CCAR1: variants seen among roughly 807,000 people sequenced by gnomAD.
CCAR1 encodes the protein cell division cycle and apoptosis regulator protein 1.
In CCAR1, 78 loss-of-function variants were observed where a neutral mutation model predicts 163.8. The ratio of observed to expected loss-of-function variants is 0.48; its 90% CI spans 0.40 to 0.57. The LOEUF (loss-of-function observed/expected upper bound fraction) is 0.57, where lower values mean the gene tolerates loss of function less well. Ranked by LOEUF, CCAR1 falls within the 20% of genes least tolerant of loss-of-function variation. CCAR1 has a pLI of 0.00. For synonymous variants in CCAR1, 443 were observed against 460.7 expected, an observed-to-expected ratio of 0.96 and a Z score of 0.49; for missense variants, 1,019 against 1,365.2, an observed-to-expected ratio of 0.75 and a Z score of 4.00.
chr10:68,750,453 A>G (rs1564537748), intron 10 of CCAR1, among the ~76,000 whole-genome samples: 1 of 152,022 alleles, frequency 6.6e-6, no homozygotes, highest in East Asian at 1.9e-4. Flanking sequence ...TCGAACTCCT[A>G]ACCTCAAGTG....
At chr10:68,768,271 A>G (rs558722202) in intron 17 of CCAR1, among the ~76,000 whole-genome samples, 1 of 152,208 alleles carries the variant, frequency 6.6e-6, no homozygotes, top group African/African-American at 2.4e-5. Context: ...CAATAAGCAG[A>G]TGTCCTTAAA....
At chr10:68,781,194 C>G (rs1256266916) in intron 19 of CCAR1, among the ~76,000 whole-genome samples, 1 of 151,330 alleles carries the variant, frequency 6.6e-6, no homozygotes, top group Non-Finnish European at 1.5e-5. Flanking sequence ...GATCACGCCA[C>G]TGCACTCCAG....
chr10:68,755,165 A>C, intron 12 of CCAR1: 1 of 740,734 alleles, frequency 1.4e-6, no homozygotes, highest in Non-Finnish European at 2.5e-6. Flanking sequence ...AAATATTTTA[A>C]AAGGATGAGT....
intron 2 of CCAR1, among the ~76,000 whole-genome samples, chr10:68,735,361 C>T (rs550208433): frequency 7.6e-5 from 10 of 131,362 alleles, no homozygotes; most frequent in African/African-American, 2.6e-4. Context: ...AAACACAAAC[C>T]GTTTTTGTGC....
intron 2 of CCAR1, among the ~76,000 whole-genome samples, chr10:68,724,478 G>A (rs1008657207): frequency 2.0e-5 from 3 of 152,086 alleles, no homozygotes; most frequent in South Asian, 2.1e-4. Flanking sequence ...AAATTGAGTC[G>A]GAGGTCTCAC....
chr10:68,725,288 A>C (rs1283696946), intron 2 of CCAR1, among the ~76,000 whole-genome samples: 1 of 152,050 alleles, frequency 6.6e-6, no homozygotes, highest in East Asian at 1.9e-4. Context: ...ACACAGTGAA[A>C]CCTCCTCTCT....
chr10:68,751,443 C>T (rs950835291), intron 10 of CCAR1, among the ~76,000 whole-genome samples: 3 of 152,178 alleles, frequency 2.0e-5, no homozygotes, highest in East Asian at 1.9e-4. Context: ...CCACTTTTCC[C>T]AGCCTCAAAG....
chr10:68,757,268 A>AT (rs773810207), intron 14 of CCAR1, 26 bp from the exon 15 acceptor site: 1 of 1,190,076 alleles, frequency 8.4e-7, no homozygotes, highest in Non-Finnish European at 1.2e-6. Flanking sequence ...CATAATAGTA[A>AT]TTACATTCTT....
rs182937320 is a variant in CCAR1 at position 68,770,439 on chromosome 10, T to C, written c.2299-767T>C. ...TGAGTAAATGAATAAGGTACACTTA[T>C]CATGAAGATTAACGGTTGGTTGGCT... On this transcript the variant is annotated intron_variant, in intron 17 of 24. Transcript: ENST00000265872. Among the ~76,000 whole-genome samples the C allele has an allele frequency of 3.5e-3, 530 of 152,294 alleles. 1 individual carries two copies. The highest frequency in any genetic ancestry group is 0.034 in the Middle Eastern group (10 of 294).
rs1377004221 is a variant in CCAR1 at position 68,749,128 on chromosome 10, T to C, written c.827-8T>C. On this transcript the variant is annotated splice_polypyrimidine_tract_variant and splice_region_variant and intron_variant, in intron 8 of 24. Transcript: ENST00000265872. ...ACGCTAAACGTTTTTTTCTTTTATC[T>C]TTTAAAGCTGGTTTATTGCAGCCTC... 1 of 1,613,984 alleles carries C rather than the reference T, an allele frequency of 6.2e-7. No individual in the cohort carries two copies. The highest frequency in any genetic ancestry group is 1.7e-5 in the Admixed American group (1 of 59,992).
At chr10:68,787,075 A>C in intron 21 of CCAR1, 1 of 162,106 alleles carries the variant, frequency 6.2e-6, no homozygotes, top group South Asian at 1.7e-4. Context: ...ACAGAGTGAG[A>C]CTCCATCTCA....
rs74786002 is a variant in CCAR1 at position 68,766,772 on chromosome 10, G to A, written c.2298+693G>A. Reference sequence around the variant, plus strand: ...AACTCCAACCTCAGGTGATCTGCCCGCCTCAGCCTCCCAAAGTGCTGGGAT... The same window carrying A: ...AACTCCAACCTCAGGTGATCTGCCCACCTCAGCCTCCCAAAGTGCTGGGAT... On this transcript the variant is annotated intron_variant, in intron 17 of 24. Coordinates refer to ENST00000265872, the MANE Select transcript of CCAR1 (RefSeq NM_018237.4). 8.5e-5 allele frequency among the ~76,000 whole-genome samples: 13 copies of A among 152,240 alleles called. No homozygotes were observed. In the East Asian group the frequency reaches 2.5e-3, roughly 29 times the overall value.
At chr10:68,739,787 A>G (rs2056159754) in intron 4 of CCAR1, among the ~76,000 whole-genome samples, 1 of 152,168 alleles carries the variant, frequency 6.6e-6, no homozygotes, top group South Asian at 2.1e-4. Context: ...AACTGTTCTT[A>G]ACTTACAAAA....
chr10:68,782,321 G>A lies in CCAR1; in HGVS notation c.2651-3815G>A, dbSNP rs556705493. Among the ~76,000 whole-genome samples the A allele has an allele frequency of 1.8e-4, 27 of 152,114 alleles. No individual in the cohort carries two copies. In the East Asian group the frequency reaches 5.2e-3, roughly 29 times the overall value. ...GTACAAGGTAGTTGCTGAGGTGGGAGGATTGCTTGAGCCCAGGCATTTAAG... is the reference window on the plus strand; with the variant it reads ...GTACAAGGTAGTTGCTGAGGTGGGAAGATTGCTTGAGCCCAGGCATTTAAG... On this transcript the variant is annotated intron_variant, in intron 19 of 24. Coordinates refer to ENST00000265872, the MANE Select transcript of CCAR1 (RefSeq NM_018237.4).
At chr10:68,734,526 T>C (rs1024126946) in intron 2 of CCAR1, among the ~76,000 whole-genome samples, 2 of 151,964 alleles carry the variant, frequency 1.3e-5, no homozygotes, top group Non-Finnish European at 2.9e-5. Flanking sequence ...ACACAGAGTC[T>C]GACTGTGTCA....
chr10:68,746,890 T>TA lies in CCAR1; in HGVS notation c.519-271_519-270insA, dbSNP rs1554819979. Among the ~76,000 whole-genome samples the TA allele has an allele frequency of 2.2e-4, 34 of 151,666 alleles. No individual in the cohort carries two copies. The South Asian group carries it at 2.3e-3, about 10-fold the overall frequency. ...ACCACACCCAGCCCCATCTACTTTT[T>TA]TTATTATTATTATTATTATACTTTA... is the stretch of plus-strand genomic sequence containing the variant. On this transcript the variant is annotated intron_variant, in intron 6 of 24. Transcript: ENST00000265872.
chr10:68,767,771 G>C (rs1338576327), intron 17 of CCAR1, among the ~76,000 whole-genome samples: 1 of 152,162 alleles, frequency 6.6e-6, no homozygotes, highest in African/African-American at 2.4e-5. Flanking sequence ...CACTCTCCTT[G>C]GCTTCCCAAA....
chr10:68,757,475 C>T (rs1037381992), intron 15 of CCAR1, 98 bp downstream of exon 15: 19 of 634,668 alleles, frequency 3.0e-5, no homozygotes, highest in South Asian at 2.0e-4. Context: ...AGTGTAGTGG[C>T]GCGATCTCGG....
chr10:68,783,000 C>CT lies in CCAR1; in HGVS notation c.2651-3116dup, dbSNP rs34366966. ...GATCAGAGAGTAATTTCACTTTACT[C>CT]TTTTTTTTTTTTTTTTTTTTGAGAC... is the stretch of plus-strand genomic sequence containing the variant. On this transcript the variant is annotated intron_variant, in intron 19 of 24. Transcript: ENST00000265872. Among the ~76,000 whole-genome samples, 520 of 92,392 alleles carry CT rather than the reference C, an allele frequency of 5.6e-3. 10 individuals carry two copies. Among genetic ancestry groups the CT allele is most frequent in the East Asian group, 0.02 (67 of 3,398 alleles). The allele number at this position is 92,392 out of a possible 152,430, so 60.6% of individuals were successfully genotyped here.
Sources: gnomAD v4.1 joint callset for allele counts (sites outside exome capture counted in the v4.1 genomes callset) on GRCh38, gnomAD v4.1.1 for gene constraint, MANE v1.5 for transcripts, NCBI Gene and HGNC (gene_info 2026-07-23, HGNC 2026-07-21) for gene names.